The following DMRT1 variants were observed in gnomAD, a reference collection of about 807,000 sequenced individuals.
The protein encoded by DMRT1 is doublesex- and mab-3-related transcription factor 1.
A neutral mutation model predicts 32.3 loss-of-function variants in DMRT1; 7 were observed. The ratio of observed to expected loss-of-function variants is 0.22; its 90% CI spans 0.12 to 0.41. The LOEUF (loss-of-function observed/expected upper bound fraction) is 0.41, where lower values mean the gene tolerates loss of function less well. Among genes scored for constraint, DMRT1 ranks in the 10% least tolerant of loss-of-function variants. The probability of loss-of-function intolerance (pLI) is 1.00; values close to 1 mark genes in which losing one functional copy is unlikely to be tolerated. For synonymous variants in DMRT1, 278 were observed against 206.1 expected (o/e 1.35, Z -2.99); for missense variants, 625 against 500.5 (o/e 1.25, Z -2.37).
chr9:931,012 C>T (rs1818708762), intron 4 of DMRT1, among the ~76,000 whole-genome samples: 1 of 152,288 alleles, frequency 6.6e-6, no homozygotes, highest in East Asian at 1.9e-4. Flanking sequence ...CCATATTACT[C>T]CCATTTCTGC....
chr9:921,271 A>T (rs557507174), intron 4 of DMRT1, among the ~76,000 whole-genome samples: 7 of 152,190 alleles, frequency 4.6e-5, no homozygotes, highest in Admixed American at 2.6e-4. Context: ...TGCTTCGCTT[A>T]GCTTAAATGT....
chr9:892,241 T>C (rs16925374), intron 2 of DMRT1, among the ~76,000 whole-genome samples: 5,784 of 152,240 alleles, frequency 0.038, 155 homozygotes, highest in African/African-American at 0.078. Context: ...TGACGTTGTA[T>C]TCTCTGTTTT....
At chr9:848,608 C>T (rs1465416055) in intron 2 of DMRT1, among the ~76,000 whole-genome samples, 1 of 139,670 alleles carries the variant, frequency 7.2e-6, no homozygotes, top group Non-Finnish European at 1.5e-5. Flanking sequence ...GGCTGGAGTG[C>T]AGTGGTGTGA....
chr9:895,453 G>A lies in DMRT1; in HGVS notation c.822+1258G>A, dbSNP rs146131486. Among the ~76,000 whole-genome samples the A allele has an allele frequency of 1.7e-3, 259 of 152,302 alleles. 2 individuals are homozygous for A. Among genetic ancestry groups the A allele is most frequent in the Admixed American group, 0.012 (177 of 15,304 alleles). Reference sequence around the variant, plus strand: ...GCCATGCTCAGGCTTCCTCAGTGGGGATTTGATTCAACGCAATGCCACATA... The same window carrying A: ...GCCATGCTCAGGCTTCCTCAGTGGGAATTTGATTCAACGCAATGCCACATA... On this transcript the variant is annotated intron_variant, in intron 3 of 4. Transcript: ENST00000382276.
At position 859,355 on chromosome 9, in the gene DMRT1, G is replaced by C. The variant is rs188548160; in HGVS notation, c.538+12212G>C. Among the ~76,000 whole-genome samples the C allele has an allele frequency of 2.0e-5, 3 of 152,258 alleles. No homozygotes were observed. The East Asian group carries it at 5.8e-4, about 29-fold the overall frequency. On this transcript the variant is annotated intron_variant, in intron 2 of 4. Coordinates refer to ENST00000382276, the MANE Select transcript of DMRT1 (RefSeq NM_021951.3). ...CCTTATGCAGTACACTGTAAATTCT[G>C]TCTGATGATCTGGACTCTGAGCCTA...
At chr9:961,306 G>A (rs1296841607) in intron 4 of DMRT1, among the ~76,000 whole-genome samples, 1 of 152,152 alleles carries the variant, frequency 6.6e-6, no homozygotes, top group African/African-American at 2.4e-5. Flanking sequence ...AGGGCTCCAG[G>A]AACCCAGTAA....
Position 968,249 on chromosome 9 carries a change from G to GT in DMRT1, c.*111dup. The GT allele has an allele frequency of 4.4e-6, 6 of 1,371,976 alleles. No homozygotes were observed. Among genetic ancestry groups the GT allele is most frequent in the Non-Finnish European group, 6.0e-6 (6 of 994,720 alleles). 85.0% of individuals were successfully genotyped at this position (1,371,976 alleles called of 1,614,324 possible). A position where few individuals can be genotyped will look rare whatever the true frequency, so the allele number is the denominator to read the frequency against. ...TCATACTATCTTAACTGTTGAGAAC[G>GT]TATTTGGTTTATATTCCTTAGAGTT... On this transcript the variant is annotated 3_prime_UTR_variant, in exon 5 of 5. Coordinates refer to ENST00000382276, the MANE Select transcript of DMRT1 (RefSeq NM_021951.3).
chr9:841,728 C>A lies in DMRT1; in HGVS notation c.-111C>A, dbSNP rs1479664989. ...GCTGCGCCTCCGGCTGCAGCGCACA[C>A]GTCTCCTGCGCCTCCTCCTCCGGAG... On this transcript the variant is annotated 5_prime_UTR_variant, in exon 1 of 5. Transcript: ENST00000382276. 3 of 1,544,074 alleles carry A rather than the reference C, an allele frequency of 1.9e-6. No homozygotes were observed. Among genetic ancestry groups the A allele is most frequent in the South Asian group, 1.2e-5 (1 of 83,742 alleles).
chr9:859,441 C>CT (rs1319309061), intron 2 of DMRT1, among the ~76,000 whole-genome samples: 2 of 152,140 alleles, frequency 1.3e-5, no homozygotes, highest in Non-Finnish European at 2.9e-5. Context: ...TGTGGGTCCC[C>CT]TGGGGCTCTC....
chr9:954,873 C>A (rs1047361474), intron 4 of DMRT1, among the ~76,000 whole-genome samples: 9 of 152,108 alleles, frequency 5.9e-5, no homozygotes, highest in Non-Finnish European at 1.2e-4. Context: ...GACTCCTGAC[C>A]TCGTGATCTG....
chr9:868,336 C>CTG (rs1816081510), intron 2 of DMRT1, among the ~76,000 whole-genome samples: 2 of 152,274 alleles, frequency 1.3e-5, no homozygotes, highest in Admixed American at 6.5e-5. Context: ...GATCTCTTAG[C>CTG]TGTATTCTAT....
At chr9:942,909 C>T (rs989687897) in intron 4 of DMRT1, among the ~76,000 whole-genome samples, 15 of 151,952 alleles carry the variant, frequency 9.9e-5, no homozygotes, top group African/African-American at 3.6e-4. Context: ...CAAAGAATTA[C>T]TCCCTTAAGG....
At chr9:895,966 A>G (rs1817342825) in intron 3 of DMRT1, among the ~76,000 whole-genome samples, 2 of 150,636 alleles carry the variant, frequency 1.3e-5, no homozygotes, top group South Asian at 2.1e-4. Context: ...CACCAAGCCC[A>G]GCTAATTTTT....
intron 4 of DMRT1, among the ~76,000 whole-genome samples, chr9:926,630 G>A (rs1463308011): frequency 6.6e-6 from 1 of 152,016 alleles, no homozygotes; most frequent in Non-Finnish European, 1.5e-5. Context: ...AATACACAGA[G>A]CAACTACACA....
At chr9:884,736 C>T (rs996816358) in intron 2 of DMRT1, among the ~76,000 whole-genome samples, 10 of 152,008 alleles carry the variant, frequency 6.6e-5, no homozygotes, top group African/African-American at 1.2e-4. Context: ...TTTGGGAGGC[C>T]GAGGCAGGCA....
At position 873,171 on chromosome 9, in the gene DMRT1, G is replaced by A. The variant is rs115552851; in HGVS notation, c.539-20741G>A. Among the ~76,000 whole-genome samples the A allele has an allele frequency of 3.1e-3, 467 of 152,310 alleles. 2 individuals carry two copies. The highest frequency in any genetic ancestry group is 0.01 in the African/African-American group (419 of 41,574). On this transcript the variant is annotated intron_variant, in intron 2 of 4. Coordinates refer to ENST00000382276, the MANE Select transcript of DMRT1 (RefSeq NM_021951.3). Reference sequence around the variant, plus strand: ...TTGCAGTTTGCTGATGGCTAATGACGTTGTGCATCTTCTCATGCACTTTGT... The same window carrying A: ...TTGCAGTTTGCTGATGGCTAATGACATTGTGCATCTTCTCATGCACTTTGT...
At position 861,730 on chromosome 9, in the gene DMRT1, C is replaced by G. The variant is rs539850036; in HGVS notation, c.538+14587C>G. Among the ~76,000 whole-genome samples the G allele has an allele frequency of 5.4e-3, 800 of 147,604 alleles. 5 individuals carry two copies. The highest frequency in any genetic ancestry group is 0.02 in the African/African-American group (755 of 38,478). On this transcript the variant is annotated intron_variant, in intron 2 of 4. Coordinates refer to ENST00000382276, the MANE Select transcript of DMRT1 (RefSeq NM_021951.3). ...GACGGGGCGGCTGGCCGGGCAGGGG[C>G]TGCCCCCCACCTCCTGGACGGGGCG...
At chr9:868,723 G>C (rs906241347) in intron 2 of DMRT1, among the ~76,000 whole-genome samples, 1 of 152,192 alleles carries the variant, frequency 6.6e-6, no homozygotes, top group Non-Finnish European at 1.5e-5. Context: ...TTAAAAGTTA[G>C]CATCGGCTGG....
intron 2 of DMRT1, among the ~76,000 whole-genome samples, chr9:878,799 AAGT>A (rs1816615382): frequency 6.6e-6 from 1 of 152,312 alleles, no homozygotes. Flanking sequence ...GAGCCTTTCT[AAGT>A]ACATGTCTTC....
Sources: allele counts gnomAD v4.1 joint callset (sites outside exome capture counted in the v4.1 genomes callset), GRCh38; gene constraint gnomAD v4.1.1; transcripts MANE v1.5; gene names NCBI Gene and HGNC (gene_info 2026-07-23, HGNC 2026-07-21).